The following PPFIBP1 variants were observed in gnomAD, a reference collection of about 807,000 sequenced individuals.
The protein encoded by PPFIBP1 is liprin-beta-1.
In PPFIBP1, 112 loss-of-function variants were observed where a neutral mutation model predicts 137.8. The observed-to-expected ratio is 0.81, with a 90% CI of 0.70 to 0.95. The LOEUF (loss-of-function observed/expected upper bound fraction) is 0.95, where lower values mean the gene tolerates loss of function less well. Ranked by LOEUF, PPFIBP1 falls within the 40% of genes least tolerant of loss-of-function variation. PPFIBP1 has a pLI of 0.00. For missense variants in PPFIBP1, 1,083 were observed against 1,196.6 expected, an observed-to-expected ratio of 0.91 and a Z score of 1.40; for synonymous variants, 378 against 417.3, an observed-to-expected ratio of 0.91 and a Z score of 1.15.
At chr12:27,653,870 G>T (rs2059033147) in intron 7 of PPFIBP1, among the ~76,000 whole-genome samples, 1 of 152,080 alleles carries the variant, frequency 6.6e-6, no homozygotes, top group South Asian at 2.1e-4. Context: ...CACTAGGATT[G>T]GTTTCTCTTT....
chr12:27,694,996 G>A lies in PPFIBP1; in HGVS notation c.*2114G>A, dbSNP rs1195532494. On this transcript the variant is annotated 3_prime_UTR_variant, in exon 30 of 30. Transcript: ENST00000228425. ...TTCTTTAAACTCTACCATTCATTATGTGGTAACTGTATTGAACTTACTTTA... is the reference window on the plus strand; with the variant it reads ...TTCTTTAAACTCTACCATTCATTATATGGTAACTGTATTGAACTTACTTTA... 6.6e-6 allele frequency: 1 copy of A among 152,088 alleles called. No individual in the cohort carries two copies. Among genetic ancestry groups the A allele is most frequent in the Non-Finnish European group, 1.5e-5 (1 of 68,034 alleles). 9.4% of individuals were successfully genotyped at this position (152,088 alleles called of 1,614,324 possible).
intron 2 of PPFIBP1, among the ~76,000 whole-genome samples, chr12:27,619,796 G>A (rs1317153719): frequency 6.6e-6 from 1 of 152,138 alleles, no homozygotes; most frequent in Non-Finnish European, 1.5e-5. Flanking sequence ...AAACTGTGCA[G>A]TAAAGATCTG....
Position 27,693,017 on chromosome 12 carries a change from C to T in PPFIBP1, c.*135C>T. On this transcript the variant is annotated 3_prime_UTR_variant, in exon 30 of 30. Transcript: ENST00000228425. ...AACTTCTGCTGTCGAGAAGTTTAAA[C>T]AGAAAGCAGGAGTAATGTGCCGATT... The T allele has an allele frequency of 7.2e-7, 1 of 1,388,616 alleles. No homozygotes were observed. The highest frequency in any genetic ancestry group is 9.5e-7 in the Non-Finnish European group (1 of 1,058,006). 86.0% of individuals were successfully genotyped at this position (1,388,616 alleles called of 1,614,324 possible).
rs537808289 is a variant in PPFIBP1 at position 27,658,497 on chromosome 12, C to T, written c.812-319C>T. Among the ~76,000 whole-genome samples, 114 of 152,282 alleles carry T rather than the reference C, an allele frequency of 7.5e-4. 2 individuals carry two copies. The South Asian group carries it at 0.023, about 30-fold the overall frequency. On this transcript the variant is annotated intron_variant, in intron 9 of 29. Transcript: ENST00000228425. ...ATGGAAATATAAAAACAAAGTGACA[C>T]TAACTAGGTTTTCATCATTTATGGT...
At position 27,647,841 on chromosome 12, in the gene PPFIBP1, A is replaced by G. The variant is rs1435528542; in HGVS notation, c.470A>G (p.Gln157Arg). ...KVNATEEMLQ[Q>R]ELLSRTSLET... ...AATGCCACAGAAGAAATGCTGCAGC[A>G]GGTATGTGCAGAGGCCAGAACCAAG... The change falls in exon 6 of 30, where the codon CAG (glutamine) becomes CGG (arginine). Residue 157 changes from glutamine to arginine, a missense_variant and splice_region_variant. By Grantham distance (43) the Gln-to-Arg change is conservative. Transcript: ENST00000228425. 2 of 1,611,344 alleles carry G rather than the reference A, an allele frequency of 1.2e-6. No individual in the cohort carries two copies. Among genetic ancestry groups the G allele is most frequent in the Non-Finnish European group, 8.5e-7 (1 of 1,178,904 alleles).
At chr12:27,564,092 C>T (rs2049425056) in intron 1 of PPFIBP1, among the ~76,000 whole-genome samples, 1 of 152,048 alleles carries the variant, frequency 6.6e-6, no homozygotes. Flanking sequence ...AGGCTGGTCT[C>T]GAACTCCTGA....
Position 27,670,778 on chromosome 12 carries a change from CAA to C in PPFIBP1, c.1147-636_1147-635del, listed in dbSNP as rs1173003497. ...TGGATGACAAAGTGAGACCCTGTCT[CAA>C]AAAAAAAAAAAAAAAATAATAATAA... On this transcript the variant is annotated intron_variant, in intron 13 of 29. Coordinates refer to ENST00000228425, the MANE Select transcript of PPFIBP1 (RefSeq NM_003622.4). Among the ~76,000 whole-genome samples the C allele has an allele frequency of 2.4e-3, 342 of 142,152 alleles. 5 individuals are homozygous for C. The highest frequency in any genetic ancestry group is 8.2e-3 in the African/African-American group (321 of 39,318). The allele number at this position is 142,152 out of a possible 152,430, so 93.3% of individuals were successfully genotyped here.
chr12:27,629,848 T>C (rs1160418422), intron 2 of PPFIBP1, among the ~76,000 whole-genome samples: 1 of 152,192 alleles, frequency 6.6e-6, no homozygotes, highest in African/African-American at 2.4e-5. Context: ...TTAATAAATA[T>C]GGATGGTCTA....
intron 1 of PPFIBP1, among the ~76,000 whole-genome samples, chr12:27,535,905 G>A (rs1318137266): frequency 6.6e-6 from 1 of 152,214 alleles, no homozygotes; most frequent in Non-Finnish European, 1.5e-5. Context: ...GAAAGGAGAA[G>A]CAACTATGAG....
chr12:27,636,795 C>T (rs563905592), intron 4 of PPFIBP1: 2 of 152,352 alleles, frequency 1.3e-5, no homozygotes, highest in East Asian at 3.9e-4. Context: ...ATTTGCCCCC[C>T]ATGACTTTCT....
At chr12:27,654,926 T>C (rs1214803760) in intron 8 of PPFIBP1, 112 bp downstream of exon 8, 2 of 1,430,666 alleles carry the variant, frequency 1.4e-6, no homozygotes, top group African/African-American at 2.9e-5. Context: ...GAAGGTATTT[T>C]AAAAGTAAAT....
rs2061658674 is a variant in PPFIBP1 at position 27,693,476 on chromosome 12, G to A, written c.*594G>A. 6.6e-6 allele frequency: 1 copy of A among 152,084 alleles called. No homozygotes were observed. Among genetic ancestry groups the A allele is most frequent in the Non-Finnish European group, 1.5e-5 (1 of 68,022 alleles). 9.4% of individuals were successfully genotyped at this position (152,084 alleles called of 1,614,324 possible). Reference sequence around the variant, plus strand: ...AAGATCACGTTTTCAAAACAATCTGGTGATCAGAATGTTCATATACCAGCT... The same window carrying A: ...AAGATCACGTTTTCAAAACAATCTGATGATCAGAATGTTCATATACCAGCT... On this transcript the variant is annotated 3_prime_UTR_variant, in exon 30 of 30. Transcript: ENST00000228425.
At chr12:27,612,222 C>G (rs889135743) in intron 2 of PPFIBP1, among the ~76,000 whole-genome samples, 8 of 151,828 alleles carry the variant, frequency 5.3e-5, no homozygotes, top group Non-Finnish European at 1.0e-4. Flanking sequence ...CTTTTCTACT[C>G]TGGGCCTTTC....
intron 5 of PPFIBP1, 88 bp from the exon 6 acceptor site, chr12:27,647,641 T>C (rs969864758): frequency 1.6e-5 from 11 of 693,624 alleles, no homozygotes; most frequent in South Asian, 2.7e-5. Flanking sequence ...GTAGGATCAT[T>C]CCTTTTTTTG....
chr12:27,607,491 A>T (rs532982352), intron 2 of PPFIBP1, among the ~76,000 whole-genome samples: 44 of 152,232 alleles, frequency 2.9e-4, no homozygotes, highest in Non-Finnish European at 4.6e-4. Context: ...AGAGGGTCTT[A>T]AACTTGAGTG....
chr12:27,579,835 C>T lies in PPFIBP1; in HGVS notation c.-36+1596C>T, dbSNP rs373030005. Among the ~76,000 whole-genome samples the T allele has an allele frequency of 9.9e-5, 15 of 152,250 alleles. No individual in the cohort carries two copies. In the East Asian group the frequency reaches 2.7e-3, roughly 27 times the overall value. ...ATTTGTCTGCTTCAATGTGATGTTC[C>T]AAGCTGCTTACTCAACAGGAACAGA... On this transcript the variant is annotated intron_variant, in intron 2 of 29. Coordinates refer to ENST00000228425, the MANE Select transcript of PPFIBP1 (RefSeq NM_003622.4).
intron 2 of PPFIBP1, among the ~76,000 whole-genome samples, chr12:27,628,539 C>T (rs1235585413): frequency 6.6e-6 from 1 of 152,176 alleles, no homozygotes; most frequent in African/African-American, 2.4e-5. Context: ...TCAACTATAA[C>T]TAGCAGATTT....
At chr12:27,597,062 A>G (rs2053396362) in intron 2 of PPFIBP1, among the ~76,000 whole-genome samples, 1 of 152,246 alleles carries the variant, frequency 6.6e-6, no homozygotes, top group South Asian at 2.1e-4. Context: ...GTTGAGGGGA[A>G]CCGCATGTTC....
At chr12:27,574,986 C>G (rs886588437) in intron 1 of PPFIBP1, among the ~76,000 whole-genome samples, 1 of 152,108 alleles carries the variant, frequency 6.6e-6, no homozygotes, top group African/African-American at 2.4e-5. Context: ...AAAATTAAAG[C>G]AGTTAAAGGT....
Sources: allele counts gnomAD v4.1 joint callset (sites outside exome capture counted in the v4.1 genomes callset), GRCh38; gene constraint gnomAD v4.1.1; transcripts MANE v1.5; gene names NCBI Gene and HGNC (gene_info 2026-07-23, HGNC 2026-07-21).